ERI1: variants seen among roughly 807,000 people sequenced by gnomAD.
ERI1 encodes 3'-5' exoribonuclease 1.
Under a neutral mutation model 39.7 loss-of-function variants are expected in ERI1, and 39 were observed. The observed-to-expected ratio is 0.98, with a 90% CI of 0.76 to 1.28. The LOEUF (loss-of-function observed/expected upper bound fraction) is 1.28. Among genes scored for constraint, ERI1 ranks in the 50% most tolerant of loss-of-function variants. The probability of loss-of-function intolerance (pLI) is 0.00; values close to 1 mark genes in which losing one functional copy is unlikely to be tolerated. For missense variants in ERI1, 581 were observed against 416.9 expected (o/e 1.39, Z -3.43); for synonymous variants, 204 against 149.6 (o/e 1.36, Z -2.65).
In ERI1 at chr8:9,078,196, G is replaced by A. The variant is rs570692676; in HGVS notation, n.300-38152G>A. Among the ~76,000 whole-genome samples, 7 of 152,198 alleles carry A rather than the reference G, an allele frequency of 4.6e-5. No individual in the cohort carries two copies. In the South Asian group the frequency reaches 1.2e-3, roughly 27 times the overall value. ...GTAGAGACAAGGTTTCACCATGTTG[G>A]TCAGGCTGGTCCTGAACTGCTGACC... On this transcript the variant is annotated intron_variant and non_coding_transcript_variant, in intron 3 of 3. Transcript: ENST00000518663.
Position 9,097,343 on chromosome 8 carries a change from C to T in ERI1, n.300-19005C>T, listed in dbSNP as rs9329177. On this transcript the variant is annotated intron_variant and non_coding_transcript_variant, in intron 3 of 3. Coordinates refer to the ERI1 transcript ENST00000518663. ...ACTGGGGACCCAGTGGTAAACCAAACAAACAGGGCCTCTCTTCAGAAGTAA... is the reference window on the plus strand; with the variant it reads ...ACTGGGGACCCAGTGGTAAACCAAATAAACAGGGCCTCTCTTCAGAAGTAA... Among the ~76,000 whole-genome samples, 314 of 152,238 alleles carry T rather than the reference C, an allele frequency of 2.1e-3. 2 individuals carry two copies. Among genetic ancestry groups the T allele is most frequent in the African/African-American group, 7.2e-3 (298 of 41,542 alleles).
intron 3 of ERI1, among the ~76,000 whole-genome samples, chr8:9,093,710 G>GGT (rs1799783872): frequency 6.6e-6 from 1 of 152,118 alleles, no homozygotes; most frequent in Non-Finnish European, 1.5e-5. Context: ...TGGGATTACA[G>GGT]GCACATGCCA....
chr8:9,013,254 A>G (rs576023817), intron 3 of ERI1, among the ~76,000 whole-genome samples: 48 of 151,500 alleles, frequency 3.2e-4, no homozygotes, highest in Non-Finnish European at 6.3e-4. Flanking sequence ...AGCTCAGGCA[A>G]TCCACCTGCC....
intron 3 of ERI1, among the ~76,000 whole-genome samples, chr8:9,099,181 C>G (rs949747426): frequency 2.6e-5 from 4 of 152,092 alleles, no homozygotes; most frequent in Non-Finnish European, 5.9e-5. Flanking sequence ...AAAACCATCA[C>G]CAGGATATGA....
At position 9,029,877 on chromosome 8, in the gene ERI1, A is replaced by G. The variant is rs1433280953; in HGVS notation, c.893A>G (p.Asp298Gly). The change falls in exon 7 of 7, where the codon GAC becomes GGC. Residue 298 changes from aspartate (D) to glycine (G), a missense_variant. By Grantham distance (94) the Asp-to-Gly change is moderately conservative. Transcript: ENST00000250263. ...GGGCGGCCTCACTGTGGTCTTGATG[A>G]CTCTAAGAATATCGCCCGAATAGCA... Reference protein sequence around the residue: ...YDGRPHCGLDDSKNIARIAVR... With the variant: ...YDGRPHCGLDGSKNIARIAVR... 5.0e-6 allele frequency: 8 copies of G among 1,614,130 alleles called. No homozygotes were observed. Among genetic ancestry groups the G allele is most frequent in the Non-Finnish European group, 6.8e-6 (8 of 1,180,022 alleles).
intron 3 of ERI1, among the ~76,000 whole-genome samples, chr8:9,089,761 C>T (rs905594014): frequency 7.9e-5 from 12 of 152,184 alleles, no homozygotes; most frequent in Admixed American, 4.6e-4. Context: ...TTTGTTGTTT[C>T]CCACCATTAG....
intron 1 of ERI1, among the ~76,000 whole-genome samples, chr8:9,004,609 A>C (rs1815769460): frequency 6.8e-6 from 1 of 147,412 alleles, no homozygotes; most frequent in African/African-American, 2.5e-5. Flanking sequence ...GGCTGCAGTG[A>C]GCTGTGATCG....
intron 4 of ERI1, among the ~76,000 whole-genome samples, chr8:9,017,421 C>T (rs760364214): frequency 5.9e-5 from 9 of 152,184 alleles, no homozygotes; most frequent in Non-Finnish European, 1.0e-4. Context: ...TTCATTCATT[C>T]ACTCCACGTG....
chr8:9,061,277 G>C (rs1798686622), intron 3 of ERI1, among the ~76,000 whole-genome samples: 1 of 152,180 alleles, frequency 6.6e-6, no homozygotes, highest in Admixed American at 6.5e-5. Context: ...GCCAGATACA[G>C]TTATGAGGGT....
intron 3 of ERI1, among the ~76,000 whole-genome samples, chr8:9,077,865 T>G (rs1799255379): frequency 1.3e-5 from 2 of 152,204 alleles, no homozygotes; most frequent in Admixed American, 1.3e-4. Context: ...TGGGGAATTT[T>G]TTTCTGATCC....
At chr8:9,017,646 A>C (rs1817450003) in intron 4 of ERI1, among the ~76,000 whole-genome samples, 1 of 152,194 alleles carries the variant, frequency 6.6e-6, no homozygotes, top group African/African-American at 2.4e-5. Context: ...GGGCTGAGTC[A>C]TGAAAGATAG....
intron 3 of ERI1, among the ~76,000 whole-genome samples, chr8:9,047,043 C>T (rs1046005993): frequency 5.9e-5 from 9 of 152,142 alleles, no homozygotes; most frequent in African/African-American, 1.7e-4. Flanking sequence ...GCCCAAGAAC[C>T]GAATAAAGCA....
intron 1 of ERI1, among the ~76,000 whole-genome samples, chr8:9,003,675 C>T (rs1815626560): frequency 1.3e-5 from 2 of 152,158 alleles, no homozygotes; most frequent in South Asian, 2.1e-4. Context: ...CTCATATAAC[C>T]ATAGTATAAG....
intron 3 of ERI1, among the ~76,000 whole-genome samples, chr8:9,097,943 A>T (rs1297797508): frequency 2.0e-5 from 3 of 152,252 alleles, no homozygotes; most frequent in African/African-American, 7.2e-5. Context: ...CTCAGTCATA[A>T]AAAGAAATGC....
At chr8:9,011,497 C>T (rs538969367) in intron 2 of ERI1, 45 bp from the exon 3 acceptor site, 4 of 1,363,546 alleles carry the variant, frequency 2.9e-6, no homozygotes, top group East Asian at 2.3e-5. Flanking sequence ...TGATTCTTGA[C>T]TGTAGAATTT....
At chr8:9,079,376 T>C (rs1053907692) in intron 3 of ERI1, among the ~76,000 whole-genome samples, 10 of 152,244 alleles carry the variant, frequency 6.6e-5, no homozygotes, top group Non-Finnish European at 1.5e-4. Flanking sequence ...CGTTTTCATT[T>C]TCCCTAAACA....
At chr8:9,033,988 A>C (rs963910499), downstream of ERI1, among the ~76,000 whole-genome samples, 1 of 152,234 alleles carries the variant, frequency 6.6e-6, no homozygotes, top group Non-Finnish European at 1.5e-5. Flanking sequence ...GACCAGCTGT[A>C]AGGTTTTTTC....
rs562512838 is a variant in ERI1, at chr8:9,064,463, C to T, written n.299+43999C>T. Among the ~76,000 whole-genome samples, 21 of 152,062 alleles carry T rather than the reference C, an allele frequency of 1.4e-4. No individual in the cohort carries two copies. In the South Asian group the frequency reaches 2.9e-3, roughly 21 times the overall value. ...CAAGGGAAGGCTGCCTTCCCTAGTC[C>T]GTGACTGGCACCGGAGTTTTGGGTC... On this transcript the variant is annotated intron_variant and non_coding_transcript_variant, in intron 3 of 3. Transcript: ENST00000518663.
intron 3 of ERI1, 147 bp from the exon 4 acceptor site, chr8:9,016,175 A>T (rs1281275143): frequency 9.4e-6 from 4 of 426,534 alleles, no homozygotes; most frequent in Non-Finnish European, 1.7e-5. Flanking sequence ...AGTGCTTTCG[A>T]TGTGGGGAAT....
Sources: gnomAD v4.1 joint callset for allele counts (sites outside exome capture counted in the v4.1 genomes callset) on GRCh38, gnomAD v4.1.1 for gene constraint, MANE v1.5 for transcripts, NCBI Gene and HGNC (gene_info 2026-07-23, HGNC 2026-07-21) for gene names.